WNK1: variants seen among roughly 807,000 people sequenced by gnomAD.
WNK1 encodes WNK lysine deficient protein kinase 1.
In WNK1, 38 loss-of-function variants were observed where a neutral mutation model predicts 222.8. That is an observed-to-expected ratio of 0.17 (90% CI 0.13 to 0.22). The LOEUF (loss-of-function observed/expected upper bound fraction) is 0.22, where lower values mean the gene tolerates loss of function less well. WNK1 is among the 10% of genes least tolerant of loss of function. The pLI, the probability that WNK1 is intolerant of heterozygous loss-of-function variation, is 1.00. For missense variants in WNK1, 2,348 were observed against 2,918.4 expected (o/e 0.80, Z 4.50); for synonymous variants, 1,090 against 1,092.9 (o/e 1.00, Z 0.05).
chr12:760,981 C>G (rs113716780), intron 1 of WNK1, among the ~76,000 whole-genome samples: 1,614 of 141,146 alleles, frequency 0.011, 74 homozygotes, highest in African/African-American at 0.038. Flanking sequence ...GACAGAGTTT[C>G]ACCGTGTTGG....
At chr12:853,505 C>T (rs368507204) in intron 4 of WNK1, among the ~76,000 whole-genome samples, 4 of 152,252 alleles carry the variant, frequency 2.6e-5, no homozygotes, top group Admixed American at 6.5e-5. Context: ...AACCCAGATA[C>T]GACATTTGAA....
intron 8 of WNK1, 139 bp downstream of exon 8, chr12:862,409 T>TTATAGAGTAGAGTAGGA: frequency 1.0e-6 from 1 of 958,256 alleles, no homozygotes. Context: ...TAAAGCCTTA[T>TTATAGAGTAGAGTAGGA]TATAGAGTAG....
At chr12:772,463 G>GTGTA (rs1052495633) in intron 1 of WNK1, among the ~76,000 whole-genome samples, 3 of 151,906 alleles carry the variant, frequency 2.0e-5, no homozygotes, top group African/African-American at 4.8e-5. Flanking sequence ...GTGTGTGTAT[G>GTGTA]TGTATGTATG....
chr12:767,637 C>G (rs1227843096), intron 1 of WNK1, among the ~76,000 whole-genome samples: 1 of 152,132 alleles, frequency 6.6e-6, no homozygotes, highest in Admixed American at 6.6e-5. Flanking sequence ...ATTCTCCTGT[C>G]TTTCAAGGGG....
chr12:848,496 C>CTTTTTTTTTTTTTTTTTTTTTTTTTT (rs10644583), intron 4 of WNK1, among the ~76,000 whole-genome samples: 4 of 99,258 alleles, frequency 4.0e-5, no homozygotes, highest in Non-Finnish European at 5.7e-5. Context: ...CCAGTAAAAA[C>CTTTTTTTTTTTTTTTTTTTTTTTTTT]TTTTTTTTTT....
intron 3 of WNK1, among the ~76,000 whole-genome samples, chr12:828,893 G>A (rs1413463009): frequency 6.6e-6 from 1 of 152,160 alleles, no homozygotes; most frequent in Non-Finnish European, 1.5e-5. Context: ...GTATTACTAG[G>A]AAAAACACAG....
chr12:838,211 G>T (rs532687801), intron 4 of WNK1, among the ~76,000 whole-genome samples: 50 of 152,104 alleles, frequency 3.3e-4, no homozygotes, highest in Admixed American at 1.8e-3. Flanking sequence ...GAATATTCAT[G>T]TACAAGTTTT....
chr12:764,634 C>CAAAAAA (rs529312629), intron 1 of WNK1, among the ~76,000 whole-genome samples: 20 of 50,066 alleles, frequency 4.0e-4, no homozygotes, highest in East Asian at 1.1e-3. Context: ...AACTCCGTCT[C>CAAAAAA]AAAAAAAAAA....
intron 1 of WNK1, among the ~76,000 whole-genome samples, chr12:795,782 T>C (rs1945262693): frequency 6.6e-6 from 1 of 152,240 alleles, no homozygotes. Flanking sequence ...ATATTGATAC[T>C]GTTGCTTACT....
chr12:813,782 G>C lies in WNK1; in HGVS notation c.900G>C (p.Val300=). 6.2e-7 allele frequency: 1 copy of C among 1,613,886 alleles called. No individual in the cohort carries two copies. Among genetic ancestry groups the C allele is most frequent in the Non-Finnish European group, 8.5e-7 (1 of 1,179,946 alleles). ...AAGGAAAGAAGTGCATTGTTTTGGTGACTGAACTTATGACGTCTGGAACAC... is the reference window on the plus strand; with the variant it reads ...AAGGAAAGAAGTGCATTGTTTTGGTCACTGAACTTATGACGTCTGGAACAC... ...TVKGKKCIVL[V]TELMTSGTLK... Residue 300 remains valine, a synonymous_variant, in exon 2 of 28, where the codon GTG becomes GTC. Coordinates refer to ENST00000315939, the MANE Select transcript of WNK1 (RefSeq NM_018979.4).
At chr12:865,055 T>G (rs569033341) in intron 8 of WNK1, 1 of 1,443,088 alleles carries the variant, frequency 6.9e-7, no homozygotes, top group African/African-American at 1.4e-5. Context: ...GTACTTTTGT[T>G]TATTTTGTTT....
chr12:831,167 C>A (rs1014097325), intron 4 of WNK1, among the ~76,000 whole-genome samples: 2 of 152,030 alleles, frequency 1.3e-5, no homozygotes, highest in African/African-American at 4.8e-5. Context: ...CAAGAGTGTA[C>A]GTTGTTGTTT....
At chr12:754,938 C>T (rs1208629071) in intron 1 of WNK1, among the ~76,000 whole-genome samples, 2 of 152,162 alleles carry the variant, frequency 1.3e-5, no homozygotes, top group East Asian at 1.9e-4. Context: ...GTCTTTCAGC[C>T]CATTCACTAT....
chr12:872,499 A>G (rs542434256), intron 9 of WNK1, among the ~76,000 whole-genome samples: 5 of 152,344 alleles, frequency 3.3e-5, no homozygotes, highest in African/African-American at 1.2e-4. Flanking sequence ...TCAAGAGATT[A>G]GTGTCATCCT....
intron 1 of WNK1, among the ~76,000 whole-genome samples, chr12:764,261 A>G (rs950881128): frequency 8.8e-5 from 13 of 147,936 alleles, no homozygotes; most frequent in African/African-American, 3.2e-4. Context: ...CTATTTTCAT[A>G]GTAGTAATTG....
Position 896,303 on chromosome 12 carries a change from A to T in WNK1, c.5816A>T (p.Gln1939Leu), listed in dbSNP as rs771412984. 6.2e-7 allele frequency: 1 copy of T among 1,614,226 alleles called. No homozygotes were observed. The highest frequency in any genetic ancestry group is 1.3e-5 in the African/African-American group (1 of 75,052). The change falls in exon 24 of 28, where the codon CAG becomes CTG. Residue 1939 changes from glutamine to leucine, a missense_variant. By Grantham distance (113) the Gln-to-Leu change is moderately radical. This residue lies in a region of WNK1 where 1,144 missense variants were observed against 1,273.6 expected (regional missense o/e 0.90). Transcript: ENST00000315939. ...TASEAKSDTG[Q>L]PTKVGRFQVT... ...TCAGAGGCAAAGTCAGACACTGGGC[A>T]GCCTACCAAGGTTGGACGTTTTCAG...
At chr12:761,843 A>G (rs1941064349) in intron 1 of WNK1, among the ~76,000 whole-genome samples, 1 of 146,994 alleles carries the variant, frequency 6.8e-6, no homozygotes, top group African/African-American at 2.4e-5. Context: ...CATGCTAAAG[A>G]GTTACTAGAT....
At chr12:776,827 A>C (rs1161958935) in intron 1 of WNK1, among the ~76,000 whole-genome samples, 1 of 152,188 alleles carries the variant, frequency 6.6e-6, no homozygotes, top group African/African-American at 2.4e-5. Flanking sequence ...ACTTCCAAGA[A>C]GACAGTAAAA....
chr12:755,026 C>A (rs541545536), intron 1 of WNK1, among the ~76,000 whole-genome samples: 21 of 152,296 alleles, frequency 1.4e-4, no homozygotes, highest in Non-Finnish European at 2.5e-4. Context: ...TTGTTTTAAT[C>A]TTATAAAATA....
Sources: gnomAD v4.1 joint callset for allele counts (sites outside exome capture counted in the v4.1 genomes callset) on GRCh38, gnomAD v4.1.1 for gene constraint, gnomAD v4.1.1 regional missense constraint, MANE v1.5 for transcripts, NCBI Gene and HGNC (gene_info 2026-07-23, HGNC 2026-07-21) for gene names.